The following ATP13A5 variants were observed in gnomAD, a reference collection of about 807,000 sequenced individuals.
The protein encoded by ATP13A5 is ATPase 13A5.
Under a neutral mutation model 150.2 loss-of-function variants are expected in ATP13A5, and 149 were observed. The observed-to-expected ratio is 0.99, with a 90% confidence interval of 0.87 to 1.14. The LOEUF is 1.14. Ranked by LOEUF, ATP13A5 falls within the 50% of genes most tolerant of loss-of-function variation. The pLI is 0.00. For synonymous variants in ATP13A5, 497 were observed against 522.2 expected (o/e 0.95, Z 0.66); for missense variants, 1,383 against 1,449.3 (o/e 0.95, Z 0.74).
chr3:193,331,452 C>T (rs1711627538), intron 11 of ATP13A5, 141 bp from the exon 12 acceptor site: 2 of 711,384 alleles, frequency 2.8e-6, no homozygotes. Context: ...CCACCAACCC[C>T]TTTCCTGGTT....
intron 16 of ATP13A5, among the ~76,000 whole-genome samples, 181 bp downstream of exon 16, chr3:193,321,500 A>G (rs1260745246): frequency 6.6e-6 from 1 of 152,076 alleles, no homozygotes; most frequent in East Asian, 1.9e-4. Flanking sequence ...GTGTGGTGGC[A>G]TGCTCCTGTA....
intron 14 of ATP13A5, 73 bp from the exon 15 acceptor site, chr3:193,322,647 CA>C: frequency 9.2e-7 from 1 of 1,088,906 alleles, no homozygotes; most frequent in Admixed American, 1.9e-5. Flanking sequence ...CTTATTTGCA[CA>C]ATACTTTAAT....
chr3:193,335,016 T>A lies in ATP13A5; in HGVS notation c.1027A>T (p.Arg343Trp). 1 of 1,614,008 alleles carries A rather than the reference T, an allele frequency of 6.2e-7. No homozygotes were observed. Among genetic ancestry groups the A allele is most frequent in the Non-Finnish European group, 8.5e-7 (1 of 1,179,862 alleles). ...GTTCCACAGAAAAGGACGTGTTTCC[T>A]ATAATCCTCCAAACTGTGACATTTC... ...PWKCHSLEDY[R>W]KHVLFCGTEV... is the part of the protein sequence containing the mutation. Residue 343 changes from arginine (R) to tryptophan (W), a missense_variant, in exon 10 of 30, where the codon AGG becomes TGG. Arg to Trp is a moderately radical substitution (Grantham distance 101). Around this residue, in one of 3 missense-constraint regions of ATP13A5, gnomAD observed 787 missense variants for 771.9 expected, o/e 1.02. Coordinates refer to ENST00000342358, the MANE Select transcript of ATP13A5 (RefSeq NM_198505.4).
intron 3 of ATP13A5, 138 bp downstream of exon 3, chr3:193,363,098 C>T: frequency 9.2e-7 from 1 of 1,088,424 alleles, no homozygotes; most frequent in Non-Finnish European, 1.3e-6. Flanking sequence ...CGACCATGCC[C>T]AGCCAGTCTC....
intron 14 of ATP13A5, chr3:193,323,674 G>A (rs1169592739): frequency 6.6e-6 from 1 of 152,190 alleles, no homozygotes; most frequent in Non-Finnish European, 1.5e-5. Context: ...TCTCCATTGA[G>A]ATCCAGAGAA....
intron 27 of ATP13A5, among the ~76,000 whole-genome samples, chr3:193,284,651 A>G (rs1717642094): frequency 6.6e-6 from 1 of 152,234 alleles, no homozygotes; most frequent in Non-Finnish European, 1.5e-5. Flanking sequence ...CTTCACATGC[A>G]TGTATGTGTT....
chr3:193,291,471 G>A (rs986912073), intron 25 of ATP13A5, among the ~76,000 whole-genome samples: 1 of 151,984 alleles, frequency 6.6e-6, no homozygotes, highest in African/African-American at 2.4e-5. Flanking sequence ...GGCTTTGAGA[G>A]TTTATGCTAA....
intron 25 of ATP13A5, among the ~76,000 whole-genome samples, chr3:193,294,237 A>AT (rs11437315): frequency 0.41 from 61,744 of 151,816 alleles, 13,093 homozygotes; most frequent in East Asian, 0.57. Context: ...AGTGACCTCC[A>AT]TTTTTATCCT....
rs1387804514 is a variant in ATP13A5, at chr3:193,331,225, G to T, written c.1359C>A (p.Gly453=). ...PPVLPAALTI[G]NVYAQKRLKK... is the part of the protein sequence containing the mutation. ...TCAGTCTCTTCTGAGCATACACGTTGCCTATGGTCAGGGCAGCTGGCAGCA... is the reference window on the plus strand; with the variant it reads ...TCAGTCTCTTCTGAGCATACACGTTTCCTATGGTCAGGGCAGCTGGCAGCA... The change falls in exon 12 of 30, where the codon GGC becomes GGA. Residue 453 remains glycine, a synonymous_variant. Coordinates refer to ENST00000342358, the MANE Select transcript of ATP13A5 (RefSeq NM_198505.4). 1 of 1,613,988 alleles carries T rather than the reference G, an allele frequency of 6.2e-7. No individual in the cohort carries two copies. Among genetic ancestry groups the T allele is most frequent in the Non-Finnish European group, 8.5e-7 (1 of 1,179,992 alleles).
chr3:193,322,738 G>A (rs78863308), intron 14 of ATP13A5, among the ~76,000 whole-genome samples, 164 bp from the exon 15 acceptor site: 3 of 152,052 alleles, frequency 2.0e-5, no homozygotes, highest in African/African-American at 4.8e-5. Context: ...CTGTTGTATC[G>A]ATTTATATTA....
At chr3:193,377,281 G>A (rs1324105463) in intron 1 of ATP13A5, among the ~76,000 whole-genome samples, 1 of 152,146 alleles carries the variant, frequency 6.6e-6, no homozygotes, top group East Asian at 1.9e-4. Context: ...ATTTTAAAGT[G>A]CTGTGCTATT....
intron 7 of ATP13A5, among the ~76,000 whole-genome samples, chr3:193,348,016 G>C (rs187191847): frequency 6.6e-6 from 1 of 152,300 alleles, no homozygotes; most frequent in African/African-American, 2.4e-5. Context: ...GTAGGCCCTT[G>C]TCAAATATGT....
chr3:193,371,400 TGCATA>T (rs1295018369), intron 1 of ATP13A5, among the ~76,000 whole-genome samples: 1 of 152,242 alleles, frequency 6.6e-6, no homozygotes, highest in Non-Finnish European at 1.5e-5. Flanking sequence ...TTTCTGTTGC[TGCATA>T]GCAAACTCAG....
At chr3:193,347,279 ATTTAATTTT>A (rs112741455) in intron 7 of ATP13A5, among the ~76,000 whole-genome samples, 146,766 of 151,988 alleles carry the variant, frequency 0.97, 70,889 homozygotes, top group African/African-American at 0.99. Flanking sequence ...GAATAACAGT[ATTTAATTTT>A]TTTAATTCTC....
rs765917300 is a variant in ATP13A5 at position 193,276,856 on chromosome 3, A to C, written c.3316-26T>G. 3 of 1,542,682 alleles carry C rather than the reference A, an allele frequency of 1.9e-6. No homozygotes were observed. The South Asian group carries it at 3.4e-5, about 18-fold the overall frequency. ...CTGTTGAAAAACAAATACCATTATTATATTTTGCACACTTCACACTTTGAA... is the reference window on the plus strand; with the variant it reads ...CTGTTGAAAAACAAATACCATTATTCTATTTTGCACACTTCACACTTTGAA... On this transcript the variant is annotated intron_variant, in intron 28 of 29. Transcript: ENST00000342358.
intron 11 of ATP13A5, among the ~76,000 whole-genome samples, chr3:193,332,761 T>C (rs1036807016): frequency 1.3e-5 from 2 of 152,156 alleles, no homozygotes; most frequent in Non-Finnish European, 2.9e-5. Context: ...CCACAGGTTC[T>C]GACCCACAAG....
intron 25 of ATP13A5, among the ~76,000 whole-genome samples, chr3:193,293,971 A>C (rs1266725577): frequency 6.6e-6 from 1 of 152,058 alleles, no homozygotes; most frequent in East Asian, 1.9e-4. Context: ...TCCCACCTTC[A>C]TTCAGAGAAA....
Position 193,351,325 on chromosome 3 carries a change from G to T in ATP13A5, c.607-124C>A. 4 of 1,175,704 alleles carry T rather than the reference G, an allele frequency of 3.4e-6. No homozygotes were observed. In the East Asian group the frequency reaches 9.6e-5, roughly 28 times the overall value. The allele number at this position is 1,175,704 out of a possible 1,614,324, so 72.8% of individuals were successfully genotyped here. ...ACATACACAAACCTCTAATATTTAA[G>T]AATTCACTTAGATCTCTATTGATTT... On this transcript the variant is annotated intron_variant, in intron 6 of 29. Coordinates refer to ENST00000342358, the MANE Select transcript of ATP13A5 (RefSeq NM_198505.4).
At chr3:193,316,413 C>A (rs1165519238) in intron 17 of ATP13A5, among the ~76,000 whole-genome samples, 1 of 151,940 alleles carries the variant, frequency 6.6e-6, no homozygotes, top group East Asian at 1.9e-4. Flanking sequence ...TTTTAAAGAA[C>A]CTCCACATTG....
Sources: gnomAD v4.1 joint callset for allele counts (sites outside exome capture counted in the v4.1 genomes callset) on GRCh38, gnomAD v4.1.1 for gene constraint, gnomAD v4.1.1 regional missense constraint, MANE v1.5 for transcripts, NCBI Gene and HGNC (gene_info 2026-07-23, HGNC 2026-07-21) for gene names.